Variants in PPP1R13B observed in about 807,000 individuals in gnomAD.
PPP1R13B encodes apoptosis-stimulating of p53 protein 1.
A neutral mutation model predicts 119.8 loss-of-function variants in PPP1R13B; 44 were observed. That is an observed-to-expected ratio of 0.37 (90% CI 0.29 to 0.47). The LOEUF is 0.47. Ranked by LOEUF, PPP1R13B falls within the 20% of genes least tolerant of loss-of-function variation. The probability of loss-of-function intolerance (pLI) is 0.99; values close to 1 mark genes in which losing one functional copy is unlikely to be tolerated. For synonymous variants in PPP1R13B, 542 were observed against 561.5 expected (o/e 0.97, Z 0.49); for missense variants, 1,227 against 1,413.5 (o/e 0.87, Z 2.12).
intron 5 of PPP1R13B, among the ~76,000 whole-genome samples, chr14:103,757,349 T>C (rs1450914913): frequency 6.6e-6 from 1 of 152,212 alleles, no homozygotes; most frequent in East Asian, 1.9e-4. Context: ...CCACTGTGCC[T>C]GGCCCCTTTC....
intron 1 of PPP1R13B, chr14:103,847,086 C>T (rs2087061742): frequency 1.0e-6 from 1 of 993,288 alleles, no homozygotes; most frequent in African/African-American, 1.8e-5. Context: ...AGGAAGGGCC[C>T]GCAGGCGGCC....
intron 1 of PPP1R13B, among the ~76,000 whole-genome samples, chr14:103,801,928 T>C (rs927238834): frequency 6.6e-6 from 1 of 152,186 alleles, no homozygotes; most frequent in African/African-American, 2.4e-5. Flanking sequence ...TAAGTAACAG[T>C]TACCTCTGCT....
intron 1 of PPP1R13B, chr14:103,804,027 G>A: frequency 2.0e-6 from 2 of 979,336 alleles, no homozygotes; most frequent in Non-Finnish European, 2.4e-6. Context: ...TCCTCTACTG[G>A]AACAGTATCT....
intron 3 of PPP1R13B, among the ~76,000 whole-genome samples, chr14:103,784,583 CA>C (rs546875688): frequency 6.8e-4 from 41 of 60,536 alleles, no homozygotes; most frequent in African/African-American, 1.7e-3. Flanking sequence ...ACTCTGTCTC[CA>C]AAAAAAAAAA....
At position 103,754,072 on chromosome 14, in the gene PPP1R13B, A is replaced by G. The variant is rs1297252051; in HGVS notation, c.629T>C (p.Leu210Pro). Residue 210 changes from leucine (L) to proline (P), a missense_variant and splice_region_variant, in exon 6 of 17, where the codon CTG becomes CCG. Leu to Pro is a moderately conservative substitution (Grantham distance 98). Transcript: ENST00000202556. ...GAGGGGGTGTTGCAGGCACGTACACAGATTGCCGTTCATGATTTTGCTGTA... is the reference window on the plus strand; with the variant it reads ...GAGGGGGTGTTGCAGGCACGTACACGGATTGCCGTTCATGATTTTGCTGTA... ...VDYSKIMNGN[L>P]SAEIERFSAM... 1 of 1,613,948 alleles carries G rather than the reference A, an allele frequency of 6.2e-7. No individual in the cohort carries two copies. The highest frequency in any genetic ancestry group is 1.1e-5 in the South Asian group (1 of 91,062).
intron 8 of PPP1R13B, chr14:103,746,837 T>C: frequency 4.0e-6 from 1 of 251,174 alleles, no homozygotes; most frequent in Non-Finnish European, 7.6e-6. Context: ...GCAGCTTCCC[T>C]CTTACTCAGG....
chr14:103,765,065 G>T (rs549066146), intron 4 of PPP1R13B, among the ~76,000 whole-genome samples: 3 of 152,148 alleles, frequency 2.0e-5, no homozygotes, highest in South Asian at 2.1e-4. Context: ...TGATCCGCCC[G>T]CCTCGGCCTC....
chr14:103,758,154 G>A (rs2084721322), intron 4 of PPP1R13B, among the ~76,000 whole-genome samples: 2 of 152,132 alleles, frequency 1.3e-5, no homozygotes, highest in African/African-American at 4.8e-5. Context: ...ACTATCACCT[G>A]ATCTCAGGAA....
At chr14:103,830,801 T>TG (rs2086648504) in intron 1 of PPP1R13B, among the ~76,000 whole-genome samples, 1 of 152,178 alleles carries the variant, frequency 6.6e-6, no homozygotes, top group Non-Finnish European at 1.5e-5. Flanking sequence ...ACATGGCTAT[T>TG]GAGAACCTAG....
At chr14:103,790,144 G>A (rs1348649569) in intron 2 of PPP1R13B, among the ~76,000 whole-genome samples, 3 of 151,706 alleles carry the variant, frequency 2.0e-5, no homozygotes, top group African/African-American at 7.3e-5. Context: ...TACTTGGGAG[G>A]CTGAGGCAGG....
chr14:103,744,171 T>C (rs1269994048), intron 9 of PPP1R13B, among the ~76,000 whole-genome samples: 1 of 152,130 alleles, frequency 6.6e-6, no homozygotes, highest in African/African-American at 2.4e-5. Flanking sequence ...CAACAGGAAG[T>C]TTTATGGAAA....
intron 2 of PPP1R13B, among the ~76,000 whole-genome samples, chr14:103,786,665 T>C (rs112269704): frequency 0.026 from 3,786 of 148,036 alleles, 136 homozygotes; most frequent in African/African-American, 0.081. Context: ...CTCAGGAGGC[T>C]GAGGCAGAAG....
At chr14:103,782,907 C>T (rs1215721579) in intron 3 of PPP1R13B, among the ~76,000 whole-genome samples, 4 of 151,782 alleles carry the variant, frequency 2.6e-5, no homozygotes, top group Admixed American at 2.0e-4. Flanking sequence ...CAGGTTCAAG[C>T]GATTCTCCTG....
At chr14:103,814,358 G>GAATA (rs2086229343) in intron 1 of PPP1R13B, among the ~76,000 whole-genome samples, 1 of 151,230 alleles carries the variant, frequency 6.6e-6, no homozygotes, top group Non-Finnish European at 1.5e-5. Flanking sequence ...CAAAATAAAT[G>GAATA]AATAAATAAA....
intron 2 of PPP1R13B, among the ~76,000 whole-genome samples, chr14:103,787,414 C>T (rs1345899083): frequency 4.0e-5 from 6 of 151,810 alleles, no homozygotes; most frequent in African/African-American, 1.5e-4. Context: ...TGCTACTTCA[C>T]TCCATGCACT....
rs141179163 is a variant in PPP1R13B, at chr14:103,821,697, G to A, written c.10-24179C>T. Among the ~76,000 whole-genome samples, 1,116 of 152,192 alleles carry A rather than the reference G, an allele frequency of 7.3e-3. 13 individuals are homozygous for A. Among genetic ancestry groups the A allele is most frequent in the Non-Finnish European group, 0.011 (773 of 68,020 alleles). On this transcript the variant is annotated intron_variant, in intron 1 of 16. Transcript: ENST00000202556. Reference sequence around the variant, plus strand: ...ACCCGGGAGGCAGAGGTTGCGGTAAGCTGAGATTGCGCCATTGCACTCCAG... The same window carrying A: ...ACCCGGGAGGCAGAGGTTGCGGTAAACTGAGATTGCGCCATTGCACTCCAG...
chr14:103,836,147 G>C (rs1162317087), intron 1 of PPP1R13B, among the ~76,000 whole-genome samples: 2 of 151,224 alleles, frequency 1.3e-5, no homozygotes, highest in Non-Finnish European at 2.9e-5. Flanking sequence ...CCAGGCTCAA[G>C]CAATTCTCCT....
chr14:103,804,054 T>A (rs545327403), intron 1 of PPP1R13B: 1 of 984,944 alleles, frequency 1.0e-6, no homozygotes, highest in Admixed American at 6.1e-5. Context: ...CATTACCTGG[T>A]CTTGAAATCA....
At position 103,754,154 on chromosome 14, in the gene PPP1R13B, C is replaced by T; in HGVS notation, c.547G>A (p.Val183Ile). The T allele has an allele frequency of 6.2e-7, 1 of 1,614,066 alleles. No homozygotes were observed. The highest frequency in any genetic ancestry group is 8.5e-7 in the Non-Finnish European group (1 of 1,180,026). The stretch of plus-strand genomic sequence containing the variant: ...TTCAGCTTGTTCTCCTGGGCTTCAA[C>T]TCGTTCTTTCAATTTCTGAAGCTTT... Reference protein sequence around the residue: ...NEKLQKLKERVEAQENKLKKI... With the variant: ...NEKLQKLKERIEAQENKLKKI... The change falls in exon 6 of 17, where the codon GTT becomes ATT. Residue 183 changes from valine (V) to isoleucine (I), a missense_variant. Physicochemically the swap from Val to Ile is conservative, Grantham distance 29. Transcript: ENST00000202556.
Sources: allele counts gnomAD v4.1 joint callset (sites outside exome capture counted in the v4.1 genomes callset), GRCh38; gene constraint gnomAD v4.1.1; transcripts MANE v1.5; gene names NCBI Gene and HGNC (gene_info 2026-07-23, HGNC 2026-07-21).